PCDH9: variants seen among roughly 807,000 people sequenced by gnomAD.
PCDH9 encodes the protein protocadherin 9, also known as protocadherin-9.
A neutral mutation model predicts 70.6 loss-of-function variants in PCDH9; 24 were observed. That is an observed-to-expected ratio of 0.34 (90% CI 0.25 to 0.48). The LOEUF is 0.48. Ranked by LOEUF, PCDH9 falls within the 20% of genes least tolerant of loss-of-function variation. The probability of loss-of-function intolerance (pLI) is 0.99; values close to 1 mark genes in which losing one functional copy is unlikely to be tolerated. For missense variants in PCDH9, 1,281 were observed against 1,503.6 expected, an observed-to-expected ratio of 0.85 and a Z score of 2.45; for synonymous variants, 562 against 558.5, an observed-to-expected ratio of 1.01 and a Z score of -0.09.
chr13:66,681,950 C>CATATATATATAT (rs56280836), intron 3 of PCDH9, among the ~76,000 whole-genome samples: 5,082 of 130,192 alleles, frequency 0.039, 176 homozygotes, highest in Middle Eastern at 0.083. Flanking sequence ...TATATACAAA[C>CATATATATATAT]ATATATATAT....
At chr13:66,930,577 T>A (rs908427464) in intron 2 of PCDH9, among the ~76,000 whole-genome samples, 1 of 152,134 alleles carries the variant, frequency 6.6e-6, no homozygotes, top group African/African-American at 2.4e-5. Context: ...TGACTACACA[T>A]ATATTGTAGG....
chr13:67,031,947 T>A (rs1170939203), intron 2 of PCDH9, among the ~76,000 whole-genome samples: 2 of 152,110 alleles, frequency 1.3e-5, no homozygotes, highest in Non-Finnish European at 2.9e-5. Context: ...TTACCAATGG[T>A]AAATTAAGAA....
At chr13:66,588,208 G>A (rs571447802) in intron 4 of PCDH9, among the ~76,000 whole-genome samples, 171 of 151,366 alleles carry the variant, frequency 1.1e-3, no homozygotes, top group Non-Finnish European at 2.1e-3. Flanking sequence ...TGTTAATGAC[G>A]GAGATACCCC....
chr13:66,881,489 A>G (rs1224403472), intron 3 of PCDH9, among the ~76,000 whole-genome samples: 2 of 152,172 alleles, frequency 1.3e-5, no homozygotes, highest in African/African-American at 4.8e-5. Context: ...TCATAATTCA[A>G]TAATCTCCCA....
intron 4 of PCDH9, among the ~76,000 whole-genome samples, chr13:66,448,106 G>C (rs566958330): frequency 1.3e-5 from 2 of 152,098 alleles, no homozygotes; most frequent in East Asian, 1.9e-4. Flanking sequence ...AAAAATGCTG[G>C]TGGGAAATTT....
At chr13:67,107,070 G>C (rs1453204080) in intron 2 of PCDH9, among the ~76,000 whole-genome samples, 1 of 152,184 alleles carries the variant, frequency 6.6e-6, no homozygotes, top group Non-Finnish European at 1.5e-5. Context: ...GATGGAAAGG[G>C]GCGGATCCCC....
intron 2 of PCDH9, among the ~76,000 whole-genome samples, chr13:66,938,423 G>A (rs1924309): frequency 0.16 from 24,324 of 152,186 alleles, 2,131 homozygotes; most frequent in Non-Finnish European, 0.18. Flanking sequence ...TTCAGTTGTA[G>A]ACTTCTATGA....
At chr13:67,160,069 C>T (rs1458027607) in intron 2 of PCDH9, among the ~76,000 whole-genome samples, 1 of 152,160 alleles carries the variant, frequency 6.6e-6, no homozygotes, top group Non-Finnish European at 1.5e-5. Context: ...AGCATCTCTG[C>T]CATCTGGGAA....
chr13:67,173,255 TGAC>T (rs1057281438), intron 2 of PCDH9, among the ~76,000 whole-genome samples: 40 of 152,284 alleles, frequency 2.6e-4, no homozygotes, highest in African/African-American at 9.4e-4. Context: ...AAATAGAATT[TGAC>T]ATTTGTTACA....
intron 2 of PCDH9, among the ~76,000 whole-genome samples, chr13:66,937,369 G>A (rs1594285124): frequency 6.6e-6 from 1 of 152,236 alleles, no homozygotes; most frequent in East Asian, 1.9e-4. Context: ...ATCTGAAGTC[G>A]TTATATGTAG....
intron 3 of PCDH9, among the ~76,000 whole-genome samples, chr13:66,754,778 T>C (rs1163207860): frequency 6.6e-6 from 1 of 152,150 alleles, no homozygotes; most frequent in African/African-American, 2.4e-5. Context: ...CATACTGGTA[T>C]CCAATTATTT....
intron 4 of PCDH9, among the ~76,000 whole-genome samples, chr13:66,329,430 C>G (rs1472641356): frequency 2.6e-5 from 4 of 152,210 alleles, no homozygotes; most frequent in Non-Finnish European, 4.4e-5. Flanking sequence ...ATAATTTCAA[C>G]TAATTATCCC....
intron 4 of PCDH9, among the ~76,000 whole-genome samples, chr13:66,500,810 C>T (rs1471174896): frequency 6.6e-6 from 1 of 151,970 alleles, no homozygotes; most frequent in Non-Finnish European, 1.5e-5. Context: ...CTAATATCAC[C>T]ATTAATATTC....
At chr13:66,305,389 G>GA (rs564421591) in intron 4 of PCDH9, among the ~76,000 whole-genome samples, 1 of 151,488 alleles carries the variant, frequency 6.6e-6, no homozygotes, top group African/African-American at 2.4e-5. Context: ...AGAAATCCCA[G>GA]AAAAAAACTC....
intron 4 of PCDH9, among the ~76,000 whole-genome samples, chr13:66,505,159 T>C (rs1959198246): frequency 6.6e-6 from 1 of 152,236 alleles, no homozygotes; most frequent in Non-Finnish European, 1.5e-5. Flanking sequence ...CTTCAAGGCC[T>C]ATTACTTTCT....
intron 4 of PCDH9, among the ~76,000 whole-genome samples, chr13:66,322,637 C>A (rs573684015): frequency 2.0e-5 from 3 of 152,056 alleles, no homozygotes; most frequent in African/African-American, 4.8e-5. Flanking sequence ...ATGATAGAAT[C>A]CTTATTAATT....
chr13:66,696,941 T>C, intron 3 of PCDH9, among the ~76,000 whole-genome samples: 1 of 151,414 alleles, frequency 6.6e-6, no homozygotes, highest in African/African-American at 2.4e-5. Flanking sequence ...ATCTCTACTG[T>C]ATATGTATAA....
intron 4 of PCDH9, among the ~76,000 whole-genome samples, chr13:66,394,876 T>C (rs1328256823): frequency 1.3e-5 from 2 of 152,088 alleles, no homozygotes; most frequent in Non-Finnish European, 2.9e-5. Flanking sequence ...CAACTAAAAA[T>C]GAAGAGAATA....
intron 4 of PCDH9, among the ~76,000 whole-genome samples, chr13:66,587,392 T>C (rs1179532469): frequency 6.6e-6 from 1 of 151,310 alleles, no homozygotes; most frequent in East Asian, 1.9e-4. Context: ...TCATATTAAA[T>C]AGAAAAAAAA....
Sources: gnomAD v4.1 joint callset for allele counts (sites outside exome capture counted in the v4.1 genomes callset) on GRCh38, gnomAD v4.1.1 for gene constraint, MANE v1.5 for transcripts, NCBI Gene and HGNC (gene_info 2026-07-23, HGNC 2026-07-21) for gene names.